MSRB3: variants seen among roughly 807,000 people sequenced by gnomAD.
MSRB3 encodes methionine sulfoxide reductase B3, also known as methionine-R-sulfoxide reductase B3.
Under a neutral mutation model 21.0 loss-of-function variants are expected in MSRB3, and 13 were observed. The ratio of observed to expected loss-of-function variants is 0.62; its 90% CI spans 0.40 to 0.98. MSRB3 has a LOEUF of 0.98. MSRB3 is among the 50% of genes least tolerant of loss of function. MSRB3 has a pLI of 0.00. For missense variants in MSRB3, 199 were observed against 230.3 expected, an observed-to-expected ratio of 0.86 and a Z score of 0.88; for synonymous variants, 87 against 88.6, an observed-to-expected ratio of 0.98 and a Z score of 0.10.
intron 5 of MSRB3, among the ~76,000 whole-genome samples, chr12:65,402,999 G>A (rs1364538715): frequency 6.6e-5 from 10 of 152,160 alleles, no homozygotes; most frequent in East Asian, 5.8e-4. Context: ...AGGGGCACTC[G>A]CCAGATGCCA....
intron 1 of MSRB3, among the ~76,000 whole-genome samples, chr12:65,301,084 A>G (rs1438571495): frequency 1.3e-5 from 2 of 152,128 alleles, no homozygotes; most frequent in Non-Finnish European, 2.9e-5. Context: ...AAATGAGGTT[A>G]CACACATATA....
intron 5 of MSRB3, among the ~76,000 whole-genome samples, chr12:65,413,780 A>G (rs993473533): frequency 2.0e-5 from 3 of 152,180 alleles, no homozygotes; most frequent in Middle Eastern, 3.2e-3. Context: ...GGTAACTGCT[A>G]TTAAAAAAAC....
At chr12:65,334,585 C>G (rs1396537924) in intron 4 of MSRB3, among the ~76,000 whole-genome samples, 2 of 152,124 alleles carry the variant, frequency 1.3e-5, no homozygotes. Context: ...TGTCACAGTA[C>G]TTAAGTACTT....
intron 4 of MSRB3, among the ~76,000 whole-genome samples, chr12:65,348,637 T>A (rs1876700536): frequency 6.6e-6 from 1 of 152,200 alleles, no homozygotes; most frequent in Admixed American, 6.5e-5. Flanking sequence ...AGCTTTTGAA[T>A]GTGTTTGCTC....
intron 4 of MSRB3, among the ~76,000 whole-genome samples, chr12:65,362,658 G>T (rs1369743524): frequency 1.3e-5 from 2 of 152,130 alleles, no homozygotes; most frequent in Non-Finnish European, 2.9e-5. Context: ...GCTATGAAAT[G>T]AAAGGGATTT....
intron 5 of MSRB3, among the ~76,000 whole-genome samples, chr12:65,403,638 G>A (rs1404467023): frequency 6.6e-6 from 1 of 152,072 alleles, no homozygotes; most frequent in East Asian, 1.9e-4. Context: ...TCTTGTTCTG[G>A]GTGCCACTGG....
intron 5 of MSRB3, among the ~76,000 whole-genome samples, chr12:65,436,875 G>A (rs552034331): frequency 6.6e-6 from 1 of 151,858 alleles, no homozygotes; most frequent in Non-Finnish European, 1.5e-5. Flanking sequence ...GGATTTACAT[G>A]CCAACTTCAC....
chr12:65,379,235 A>G (rs1878811552), intron 5 of MSRB3, among the ~76,000 whole-genome samples: 1 of 151,842 alleles, frequency 6.6e-6, no homozygotes, highest in Non-Finnish European at 1.5e-5. Flanking sequence ...TCCACCATCT[A>G]CCCATCCATC....
At chr12:65,383,678 T>G (rs894231800) in intron 5 of MSRB3, among the ~76,000 whole-genome samples, 3 of 113,514 alleles carry the variant, frequency 2.6e-5, no homozygotes, top group African/African-American at 9.5e-5. Context: ...TTTTTTTTTT[T>G]GAGATGGAGT....
chr12:65,321,765 C>A (rs17224728), intron 2 of MSRB3, among the ~76,000 whole-genome samples: 2 of 151,922 alleles, frequency 1.3e-5, no homozygotes, highest in South Asian at 2.1e-4. Context: ...TATACTATGC[C>A]TGAAGTAAAA....
At chr12:65,328,049 GA>G (rs1342913293) in intron 3 of MSRB3, among the ~76,000 whole-genome samples, 1 of 152,320 alleles carries the variant, frequency 6.6e-6, no homozygotes, top group East Asian at 1.9e-4. Flanking sequence ...TGTATTAGCT[GA>G]ATGACCTCCT....
chr12:65,409,951 T>C (rs919944433), intron 5 of MSRB3, among the ~76,000 whole-genome samples: 1 of 152,170 alleles, frequency 6.6e-6, no homozygotes, highest in Middle Eastern at 3.2e-3. Flanking sequence ...TTTGTGCTGA[T>C]TTAACTTCCA....
intron 4 of MSRB3, among the ~76,000 whole-genome samples, chr12:65,328,808 A>C (rs772213683): frequency 2.0e-5 from 3 of 152,206 alleles, no homozygotes; most frequent in Non-Finnish European, 4.4e-5. Context: ...CACTACTTGG[A>C]TCTTTAAAAT....
intron 5 of MSRB3, among the ~76,000 whole-genome samples, chr12:65,415,613 G>A (rs1276894391): frequency 1.3e-5 from 2 of 152,090 alleles, no homozygotes; most frequent in Non-Finnish European, 2.9e-5. Flanking sequence ...ACTGGTAAAT[G>A]AAATTTCTGC....
At chr12:65,298,992 A>G (rs1474751700) in intron 1 of MSRB3, among the ~76,000 whole-genome samples, 2 of 152,112 alleles carry the variant, frequency 1.3e-5, no homozygotes, top group Non-Finnish European at 1.5e-5. Flanking sequence ...TTTTTTATGT[A>G]TAAGCTTTAC....
intron 6 of MSRB3, among the ~76,000 whole-genome samples, chr12:65,460,392 TC>T (rs148114378): frequency 0.037 from 5,571 of 152,278 alleles, 221 homozygotes; most frequent in African/African-American, 0.087. Flanking sequence ...CGGGTAACAG[TC>T]CTTTCTGGGA....
chr12:65,291,059 A>G (rs972011352), intron 1 of MSRB3, among the ~76,000 whole-genome samples: 2 of 151,980 alleles, frequency 1.3e-5, no homozygotes, highest in Non-Finnish European at 2.9e-5. Context: ...CTAGCTAATT[A>G]TCTTTTTTCC....
intron 1 of MSRB3, among the ~76,000 whole-genome samples, chr12:65,280,124 A>T (rs992871828): frequency 4.6e-5 from 7 of 152,224 alleles, no homozygotes; most frequent in African/African-American, 1.7e-4. Flanking sequence ...CTATAAAAAA[A>T]CTTCAGGGTT....
intron 1 of MSRB3, among the ~76,000 whole-genome samples, chr12:65,279,695 T>C (rs192073614): frequency 2.6e-5 from 4 of 152,338 alleles, no homozygotes; most frequent in Admixed American, 2.6e-4. Flanking sequence ...TAAGACTTTA[T>C]AAGATAATCT....
Sources: allele counts gnomAD v4.1 joint callset (sites outside exome capture counted in the v4.1 genomes callset), GRCh38; gene constraint gnomAD v4.1.1; transcripts MANE v1.5; gene names NCBI Gene and HGNC (gene_info 2026-07-23, HGNC 2026-07-21).